Variants in KMO observed in about 807,000 individuals in gnomAD.
The protein encoded by KMO is kynurenine 3-monooxygenase.
A neutral mutation model predicts 57.8 loss-of-function variants in KMO; 24 were observed. That is an observed-to-expected ratio of 0.42 (90% CI 0.30 to 0.58). The LOEUF is 0.58. Ranked by LOEUF, KMO falls within the 20% of genes least tolerant of loss-of-function variation. KMO has a pLI of 0.22. For missense variants in KMO, 483 were observed against 588.2 expected, an observed-to-expected ratio of 0.82 and a Z score of 1.85; for synonymous variants, 210 against 193.6, an observed-to-expected ratio of 1.08 and a Z score of -0.70.
At chr1:241,542,679 C>T (rs1280568800) in intron 1 of KMO, among the ~76,000 whole-genome samples, 1 of 152,238 alleles carries the variant, frequency 6.6e-6, no homozygotes. Flanking sequence ...AGCTGTCTAA[C>T]CCTGCCCAAT....
intron 10 of KMO, among the ~76,000 whole-genome samples, chr1:241,572,620 A>T (rs1220897345): frequency 6.6e-6 from 1 of 151,820 alleles, no homozygotes; most frequent in South Asian, 2.1e-4. Flanking sequence ...ATTCCTATTG[A>T]GATTATTTTC....
intron 10 of KMO, among the ~76,000 whole-genome samples, chr1:241,575,666 T>C (rs1032971812): frequency 7.9e-5 from 12 of 152,128 alleles, no homozygotes; most frequent in African/African-American, 2.9e-4. Flanking sequence ...TTAAAATTTA[T>C]TGAGACTTGT....
At position 241,560,761 on chromosome 1, in the gene KMO, G is replaced by C. The variant is rs756396257; in HGVS notation, c.449+9G>C. 3 of 1,602,436 alleles carry C rather than the reference G, an allele frequency of 1.9e-6. No individual in the cohort carries two copies. In the Admixed American group the frequency reaches 5.0e-5, roughly 27 times the overall value. On this transcript the variant is annotated intron_variant, in intron 6 of 14. Transcript: ENST00000366559. ...ATGATCACAGTGCTTGGGTAACTAC[G>C]GGTCAGGTTTTGGACTTCAGAGGTG...
intron 4 of KMO, among the ~76,000 whole-genome samples, 182 bp downstream of exon 4, chr1:241,551,226 C>T (rs567862119): frequency 7.9e-5 from 12 of 152,174 alleles, no homozygotes; most frequent in Admixed American, 2.6e-4. Context: ...CAAAACAAGC[C>T]CCAGCCCAGA....
At chr1:241,567,629 T>G (rs1662132475) in intron 9 of KMO, among the ~76,000 whole-genome samples, 1 of 152,214 alleles carries the variant, frequency 6.6e-6, no homozygotes, top group South Asian at 2.1e-4. Flanking sequence ...GTATCTACCA[T>G]GGGGCATTTG....
rs200432334 is a variant in KMO at position 241,592,123 on chromosome 1, A to G, written c.1431A>G (p.Leu477=). Residue 477 remains leucine (L), a synonymous_variant, in exon 15 of 15, where the codon CTA becomes CTG. Transcript: ENST00000366559. ...TCCCCGCAAAGGCCGTGGACTCCCT[A>G]GAACAAATTTCCAATCTCATTAGCA... The part of the protein sequence containing the change: ...TCFPAKAVDS[L]EQISNLISR The G allele has an allele frequency of 2.2e-5, 35 of 1,613,768 alleles. No homozygotes were observed. Among genetic ancestry groups the G allele is most frequent in the Non-Finnish European group, 2.5e-6 (3 of 1,179,918 alleles).
intron 5 of KMO, among the ~76,000 whole-genome samples, chr1:241,557,098 G>A (rs1436209786): frequency 2.6e-5 from 4 of 152,126 alleles, no homozygotes; most frequent in South Asian, 2.1e-4. Context: ...CGAGAGATAG[G>A]GGATATAGAA....
Position 241,562,335 on chromosome 1 carries a change from A to G in KMO, c.615+3A>G. The stretch of plus-strand genomic sequence containing the variant: ...CTATTCCACCTAAGAACGGAGATGT[A>G]AGTCCTTGCCCTTTTTCAACCCCTT... On this transcript the variant is annotated splice_donor_region_variant and intron_variant, in intron 7 of 14. Coordinates refer to ENST00000366559, the MANE Select transcript of KMO (RefSeq NM_003679.5). 2 of 1,613,878 alleles carry G rather than the reference A, an allele frequency of 1.2e-6. No individual in the cohort carries two copies. Among genetic ancestry groups the G allele is most frequent in the Non-Finnish European group, 1.7e-6 (2 of 1,179,796 alleles).
intron 1 of KMO, among the ~76,000 whole-genome samples, chr1:241,544,593 A>G (rs891543181): frequency 4.6e-5 from 7 of 152,340 alleles, no homozygotes; most frequent in South Asian, 4.1e-4. Flanking sequence ...GATAAAGGAT[A>G]TCATCATGAC....
At chr1:241,590,907 G>A (rs965564206) in intron 14 of KMO, among the ~76,000 whole-genome samples, 8 of 152,200 alleles carry the variant, frequency 5.3e-5, no homozygotes, top group Non-Finnish European at 8.8e-5. Context: ...GACAGGGGAA[G>A]GCGGAAGACA....
At chr1:241,553,507 C>G (rs1002856137) in intron 4 of KMO, among the ~76,000 whole-genome samples, 16 of 152,098 alleles carry the variant, frequency 1.1e-4, no homozygotes, top group Non-Finnish European at 1.8e-4. Context: ...GGCAACATGG[C>G]AAGACCCTGT....
chr1:241,568,346 G>A (rs967010811), intron 9 of KMO, among the ~76,000 whole-genome samples, 154 bp from the exon 10 acceptor site: 13 of 152,060 alleles, frequency 8.5e-5, no homozygotes, highest in Admixed American at 6.5e-4. Flanking sequence ...TTTTAGGACT[G>A]GAAAAACTTC....
chr1:241,551,162 T>G (rs1661379023), intron 4 of KMO, 118 bp downstream of exon 4: 1 of 652,322 alleles, frequency 1.5e-6, no homozygotes, highest in African/African-American at 1.9e-5. Flanking sequence ...CTTGGCTCAG[T>G]CTAGACCCCA....
At chr1:241,573,402 T>C (rs1253315230) in intron 10 of KMO, among the ~76,000 whole-genome samples, 1 of 152,134 alleles carries the variant, frequency 6.6e-6, no homozygotes, top group Non-Finnish European at 1.5e-5. Context: ...ATTTTTATGG[T>C]TTCAGGTCTT....
At chr1:241,569,936 C>T (rs1156293815) in intron 10 of KMO, among the ~76,000 whole-genome samples, 3 of 151,932 alleles carry the variant, frequency 2.0e-5, no homozygotes, top group Admixed American at 1.3e-4. Flanking sequence ...ACCCACTGGC[C>T]ATTTGTATGT....
chr1:241,582,052 G>T (rs954889445), intron 10 of KMO, among the ~76,000 whole-genome samples: 1 of 152,050 alleles, frequency 6.6e-6, no homozygotes, highest in Non-Finnish European at 1.5e-5. Flanking sequence ...TTCTAAATTG[G>T]AAGCTTTTAT....
At position 241,593,138 on chromosome 1, in the gene KMO, G is replaced by T. The variant is rs1663380075; in HGVS notation, c.*985G>T. On this transcript the variant is annotated 3_prime_UTR_variant, in exon 15 of 15. Coordinates refer to ENST00000366559, the MANE Select transcript of KMO (RefSeq NM_003679.5). ...ATCATACTAAGTGAAGGACAGGAAA[G>T]GGTTTTATTCATAAATTAAATGTCT... The T allele has an allele frequency of 4.3e-6, 1 of 231,616 alleles. No homozygotes were observed. 14.3% of individuals were successfully genotyped at this position (231,616 alleles called of 1,614,324 possible). A position where few individuals can be genotyped will look rare whatever the true frequency, so the allele number is the denominator to read the frequency against.
intron 10 of KMO, among the ~76,000 whole-genome samples, chr1:241,579,481 G>A (rs138705003): frequency 6.2e-4 from 95 of 152,244 alleles, no homozygotes; most frequent in African/African-American, 9.1e-4. Flanking sequence ...CAGGGATGAG[G>A]ACAACTGCCT....
intron 10 of KMO, among the ~76,000 whole-genome samples, chr1:241,583,052 G>A (rs660741): frequency 0.29 from 44,587 of 152,042 alleles, 6,843 homozygotes; most frequent in East Asian, 0.42. Context: ...AGGCACAATG[G>A]TGCTTCTAAA....
Sources: allele counts gnomAD v4.1 joint callset (sites outside exome capture counted in the v4.1 genomes callset), GRCh38; gene constraint gnomAD v4.1.1; transcripts MANE v1.5; gene names NCBI Gene and HGNC (gene_info 2026-07-23, HGNC 2026-07-21).